The following TAMM41 variants were observed in gnomAD, a reference collection of about 807,000 sequenced individuals.
TAMM41 encodes the protein TAM41 mitochondrial translocator assembly and maintenance homolog.
A neutral mutation model predicts 44.1 loss-of-function variants in TAMM41; 36 were observed. That is an observed-to-expected ratio of 0.82 (90% CI 0.63 to 1.08). The LOEUF is 1.08. Ranked by LOEUF, TAMM41 falls within the 50% of genes least tolerant of loss-of-function variation. The probability of loss-of-function intolerance (pLI) is 0.00; values close to 1 mark genes in which losing one functional copy is unlikely to be tolerated. For missense variants in TAMM41, 417 were observed against 404.3 expected (o/e 1.03, Z -0.27); for synonymous variants, 164 against 153.1 (o/e 1.07, Z -0.53).
At chr3:11,844,251 C>T in intron 1 of TAMM41, 40 bp from the exon 2 acceptor site, 1 of 1,588,526 alleles carries the variant, frequency 6.3e-7, no homozygotes, top group Non-Finnish European at 8.6e-7. Flanking sequence ...AGTATTAATT[C>T]CTAGAAAGGC....
At chr3:11,765,333 A>G in the TAMM41 span, among the ~76,000 whole-genome samples, 2 of 152,162 alleles carry the variant, frequency 1.3e-5, no homozygotes, top group Non-Finnish European at 2.9e-5. Flanking sequence ...AGCTCTTACT[A>G]TGAGGCAGGT....
chr3:11,757,350 A>G, the TAMM41 span, among the ~76,000 whole-genome samples: 14 of 152,154 alleles, frequency 9.2e-5, no homozygotes, highest in Non-Finnish European at 1.9e-4. Flanking sequence ...AGGGAACAAG[A>G]GCACTGTTCT....
intron 7 of TAMM41, among the ~76,000 whole-genome samples, chr3:11,791,876 C>G (rs2077486099): frequency 6.6e-6 from 1 of 152,178 alleles, no homozygotes; most frequent in East Asian, 1.9e-4. Context: ...GCCTCCACCC[C>G]TTTTAATTTT....
At chr3:11,758,043 C>T in the TAMM41 span, among the ~76,000 whole-genome samples, 21,356 of 152,056 alleles carry the variant, frequency 0.14, 1,590 homozygotes, top group South Asian at 0.17. Context: ...CAGAGGATGC[C>T]TCCCAGAGGA....
chr3:11,754,708 C>CTCTCTTTTTT, the TAMM41 span, among the ~76,000 whole-genome samples: 7 of 103,564 alleles, frequency 6.8e-5, no homozygotes, highest in Non-Finnish European at 9.4e-5. Context: ...TCTCAGATCT[C>CTCTCTTTTTT]TTTTTTTTTT....
the TAMM41 span, among the ~76,000 whole-genome samples, chr3:11,778,670 G>A: frequency 6.6e-6 from 1 of 151,570 alleles, no homozygotes; most frequent in African/African-American, 2.4e-5. Context: ...ATGACTATGT[G>A]TCTTTTTTAT....
At chr3:11,767,626 A>ATTTTGTTTTTTTTTTTTTTTTTTTTTT in the TAMM41 span, among the ~76,000 whole-genome samples, 1 of 60,692 alleles carries the variant, frequency 1.6e-5, no homozygotes, top group Non-Finnish European at 3.1e-5. Flanking sequence ...CACGTTGTGC[A>ATTTTGTTTTTTTTTTTTTTTTTTTTTT]TTTTTTTTTT....
chr3:11,735,359 G>C, the TAMM41 span, among the ~76,000 whole-genome samples: 5 of 151,826 alleles, frequency 3.3e-5, no homozygotes, highest in African/African-American at 1.2e-4. Context: ...TCTTGTCTCT[G>C]AAAAAAATTT....
At chr3:11,804,608 C>T (rs1218729178) in intron 7 of TAMM41, among the ~76,000 whole-genome samples, 3 of 152,112 alleles carry the variant, frequency 2.0e-5, no homozygotes, top group Non-Finnish European at 4.4e-5. Flanking sequence ...AATCATTAAG[C>T]CTCACCCAAG....
At chr3:11,769,782 T>C in the TAMM41 span, among the ~76,000 whole-genome samples, 1 of 152,342 alleles carries the variant, frequency 6.6e-6, no homozygotes, top group South Asian at 2.1e-4. Flanking sequence ...AGGGTATCTT[T>C]CAGCCTCAAG....
chr3:11,756,022 A>G, the TAMM41 span, among the ~76,000 whole-genome samples: 1 of 152,140 alleles, frequency 6.6e-6, no homozygotes, highest in East Asian at 1.9e-4. Flanking sequence ...TTAGAATTCC[A>G]GCTTTCCTCT....
At chr3:11,811,217 A>G (rs2124963902) in intron 5 of TAMM41, 1 of 152,310 alleles carries the variant, frequency 6.6e-6, no homozygotes, top group East Asian at 1.9e-4. Context: ...TAAATATTTG[A>G]TATTTATCAC....
intron 7 of TAMM41, chr3:11,807,601 T>G: frequency 6.5e-7 from 1 of 1,536,088 alleles, no homozygotes; most frequent in Non-Finnish European, 8.7e-7. Context: ...CTCAGAAAAT[T>G]CAGAAGGGCA....
chr3:11,729,527 TTTCTTTCTTTCA>T, the TAMM41 span, among the ~76,000 whole-genome samples: 121 of 115,670 alleles, frequency 1.0e-3, 7 homozygotes, highest in East Asian at 2.5e-3. Flanking sequence ...CTTTCTTTCT[TTTCTTTCTTTCA>T]TTTTTTTTTT....
intron 2 of TAMM41, among the ~76,000 whole-genome samples, chr3:11,842,618 C>T (rs1007577755): frequency 2.6e-5 from 4 of 151,836 alleles, no homozygotes; most frequent in African/African-American, 4.8e-5. Flanking sequence ...GGCTTGAGCC[C>T]GGGAGGCAGA....
downstream of TAMM41, among the ~76,000 whole-genome samples, chr3:11,788,945 CAAAAAAG>C (rs977574756): frequency 1.4e-5 from 2 of 147,258 alleles, no homozygotes; most frequent in African/African-American, 2.5e-5. Flanking sequence ...CTTGAAAAAA[CAAAAAAG>C]AAAAAAGAAA....
At chr3:11,827,432 C>T (rs772448262) in intron 4 of TAMM41, among the ~76,000 whole-genome samples, 3 of 151,600 alleles carry the variant, frequency 2.0e-5, no homozygotes, top group African/African-American at 2.4e-5. Flanking sequence ...GCCTCAACCT[C>T]GCAAGTAGCT....
the TAMM41 span, among the ~76,000 whole-genome samples, chr3:11,773,436 G>A: frequency 6.6e-6 from 1 of 151,830 alleles, no homozygotes; most frequent in Non-Finnish European, 1.5e-5. Context: ...GGCCAGGTTG[G>A]TCTTGAACTC....
intron 6 of TAMM41, 178 bp downstream of exon 6, chr3:11,809,339 T>C (rs1327063570): frequency 1.5e-6 from 1 of 663,834 alleles, no homozygotes; most frequent in Non-Finnish European, 2.5e-6. Flanking sequence ...ACCATCTTAC[T>C]TCAAACAAAT....
Sources: allele counts gnomAD v4.1 joint callset (sites outside exome capture counted in the v4.1 genomes callset), GRCh38; gene constraint gnomAD v4.1.1; transcripts MANE v1.5; gene names NCBI Gene and HGNC (gene_info 2026-07-23, HGNC 2026-07-21).